Variants in CPA6 observed in about 807,000 individuals in gnomAD.
CPA6 encodes the protein carboxypeptidase B.
CPA6 carries 58 observed loss-of-function variants against 63.3 expected under a neutral mutation model. The ratio of observed to expected loss-of-function variants is 0.92; its 90% CI spans 0.74 to 1.14. CPA6 has a LOEUF of 1.14. Among genes scored for constraint, CPA6 ranks in the 50% most tolerant of loss-of-function variants. The pLI is 0.00. For missense variants in CPA6, 565 were observed against 526.6 expected, an observed-to-expected ratio of 1.07 and a Z score of -0.71; for synonymous variants, 185 against 179.0, an observed-to-expected ratio of 1.03 and a Z score of -0.27.
intron 1 of CPA6, among the ~76,000 whole-genome samples, chr8:67,656,769 TA>T (rs1357693109): frequency 6.6e-6 from 1 of 152,170 alleles, no homozygotes; most frequent in East Asian, 1.9e-4. Flanking sequence ...TGTATGGGCC[TA>T]CAACCCATGG....
chr8:67,537,141 T>C (rs1239639244), intron 2 of CPA6, among the ~76,000 whole-genome samples: 1 of 152,232 alleles, frequency 6.6e-6, no homozygotes. Flanking sequence ...ATCAGGGATA[T>C]TGACCTGAAA....
At chr8:67,498,306 C>T (rs1186829569) in intron 6 of CPA6, among the ~76,000 whole-genome samples, 14 of 151,824 alleles carry the variant, frequency 9.2e-5, no homozygotes, top group Non-Finnish European at 1.6e-4. Flanking sequence ...GAGGCTGAGG[C>T]GGGTGGATCA....
intron 6 of CPA6, among the ~76,000 whole-genome samples, chr8:67,486,823 A>G (rs1033009220): frequency 2.0e-5 from 3 of 151,942 alleles, no homozygotes; most frequent in African/African-American, 4.8e-5. Flanking sequence ...CTTGTTTTCT[A>G]TTTTATTGAC....
At chr8:67,699,376 T>A (rs1452843299) in intron 1 of CPA6, among the ~76,000 whole-genome samples, 2 of 151,908 alleles carry the variant, frequency 1.3e-5, no homozygotes, top group Non-Finnish European at 2.9e-5. Context: ...GAGGTTGCAG[T>A]GAGCCCAGAT....
At chr8:67,466,938 A>C (rs1810940338) in intron 8 of CPA6, among the ~76,000 whole-genome samples, 1 of 152,250 alleles carries the variant, frequency 6.6e-6, no homozygotes, top group Admixed American at 6.5e-5. Flanking sequence ...ACAGAATTAA[A>C]ACCAGTGAAA....
intron 3 of CPA6, among the ~76,000 whole-genome samples, chr8:67,516,858 G>A (rs939131932): frequency 2.6e-5 from 4 of 151,974 alleles, no homozygotes; most frequent in Non-Finnish European, 4.4e-5. Context: ...GTGCAGTGGC[G>A]CGATCTCAGC....
chr8:67,601,643 T>C (rs1814498876), intron 2 of CPA6, among the ~76,000 whole-genome samples: 1 of 152,186 alleles, frequency 6.6e-6, no homozygotes, highest in South Asian at 2.1e-4. Context: ...TATAAATCAT[T>C]TGATACATCA....
chr8:67,646,933 G>A (rs1815726653), intron 1 of CPA6, among the ~76,000 whole-genome samples: 1 of 152,122 alleles, frequency 6.6e-6, no homozygotes, highest in Non-Finnish European at 1.5e-5. Context: ...TTTATTCTTA[G>A]CACAATGAAA....
chr8:67,709,175 C>T (rs1817201372), intron 1 of CPA6, among the ~76,000 whole-genome samples: 1 of 152,156 alleles, frequency 6.6e-6, no homozygotes, highest in South Asian at 2.1e-4. Context: ...CGTATGCGGC[C>T]CCTGTCACAT....
chr8:67,552,743 C>T (rs558488929), intron 2 of CPA6, among the ~76,000 whole-genome samples: 2 of 128,852 alleles, frequency 1.6e-5, no homozygotes, highest in Admixed American at 9.2e-5. Flanking sequence ...TGCCACTGCA[C>T]TCCAGCCTGG....
chr8:67,623,741 T>G (rs951819762), intron 2 of CPA6, among the ~76,000 whole-genome samples: 2 of 151,956 alleles, frequency 1.3e-5, no homozygotes, highest in Non-Finnish European at 2.9e-5. Context: ...GCCAGAAAAT[T>G]TTTGAGTAGC....
At chr8:67,592,348 C>CT (rs1284609708) in intron 2 of CPA6, among the ~76,000 whole-genome samples, 1 of 152,122 alleles carries the variant, frequency 6.6e-6, no homozygotes, top group Non-Finnish European at 1.5e-5. Context: ...CTAAAATTCT[C>CT]TTTTTTGGTT....
chr8:67,478,703 G>A (rs1587473464), intron 8 of CPA6, among the ~76,000 whole-genome samples: 2 of 152,168 alleles, frequency 1.3e-5, no homozygotes, highest in South Asian at 4.1e-4. Flanking sequence ...TACCCAGAGG[G>A]CAGATCCAAT....
intron 1 of CPA6, among the ~76,000 whole-genome samples, chr8:67,666,900 T>C (rs1237394002): frequency 6.6e-6 from 1 of 152,108 alleles, no homozygotes; most frequent in African/African-American, 2.4e-5. Flanking sequence ...CTGAGAAATA[T>C]TAGTTATTGC....
chr8:67,456,941 T>C (rs976273121), intron 8 of CPA6, among the ~76,000 whole-genome samples: 1 of 152,158 alleles, frequency 6.6e-6, no homozygotes, highest in African/African-American at 2.4e-5. Context: ...GGAAGAGCTC[T>C]CAGGGCAAGG....
chr8:67,641,187 G>T (rs1054064644), intron 1 of CPA6, among the ~76,000 whole-genome samples: 3 of 151,772 alleles, frequency 2.0e-5, no homozygotes, highest in Non-Finnish European at 4.4e-5. Flanking sequence ...ATTACAGAGT[G>T]AACCTACCAA....
intron 8 of CPA6, among the ~76,000 whole-genome samples, chr8:67,434,697 G>A (rs1459647599): frequency 6.6e-6 from 1 of 152,054 alleles, no homozygotes; most frequent in Non-Finnish European, 1.5e-5. Context: ...TCTCATGGCC[G>A]CAGCAGCTGC....
At chr8:67,740,718 T>C (rs1280850294) in intron 1 of CPA6, among the ~76,000 whole-genome samples, 1 of 152,040 alleles carries the variant, frequency 6.6e-6, no homozygotes, top group Non-Finnish European at 1.5e-5. Flanking sequence ...TACAGGTGCA[T>C]GCTACCACGC....
intron 1 of CPA6, among the ~76,000 whole-genome samples, chr8:67,725,592 C>T (rs1251710510): frequency 6.6e-6 from 1 of 152,166 alleles, no homozygotes; most frequent in Non-Finnish European, 1.5e-5. Context: ...ACAACCATAG[C>T]TCACTGCAAC....
Sources: gnomAD v4.1 joint callset for allele counts (sites outside exome capture counted in the v4.1 genomes callset) on GRCh38, gnomAD v4.1.1 for gene constraint, MANE v1.5 for transcripts, NCBI Gene and HGNC (gene_info 2026-07-23, HGNC 2026-07-21) for gene names.